Variants in CAMTA1 observed in about 807,000 individuals in gnomAD.
The protein encoded by CAMTA1 is calmodulin binding transcription activator 1.
Under a neutral mutation model 170.9 loss-of-function variants are expected in CAMTA1, and 27 were observed. That is an observed-to-expected ratio of 0.16 (90% confidence interval 0.12 to 0.22). The LOEUF is 0.22. Among genes scored for constraint, CAMTA1 ranks in the 10% least tolerant of loss-of-function variants. The pLI is 1.00. For synonymous variants in CAMTA1, 833 were observed against 891.5 expected, an observed-to-expected ratio of 0.93 and a Z score of 1.17; for missense variants, 1,619 against 2,217.2, an observed-to-expected ratio of 0.73 and a Z score of 5.42.
In CAMTA1 at chr1:6,888,655, T is replaced by C. The variant is rs575233837; in HGVS notation, c.234+63445T>C. On this transcript the variant is annotated intron_variant, in intron 3 of 22. Coordinates refer to ENST00000303635, the MANE Select transcript of CAMTA1 (RefSeq NM_015215.4). ...GATCAAGTAGGCATTAACAAAGATA[T>C]AGAGGAAACTTGGAGGCGATTACTT... 4.2e-4 allele frequency among the ~76,000 whole-genome samples: 64 copies of C among 152,330 alleles called. No homozygotes were observed. In the South Asian group the frequency reaches 0.01, roughly 25 times the overall value.
intron 4 of CAMTA1, among the ~76,000 whole-genome samples, chr1:7,180,511 C>CTTTTTTT (rs397862259): frequency 5.6e-5 from 4 of 71,182 alleles, no homozygotes; most frequent in Non-Finnish European, 7.2e-5. Flanking sequence ...TGTCACTAGA[C>CTTTTTTT]TTTTTTTTTT....
intron 5 of CAMTA1, among the ~76,000 whole-genome samples, chr1:7,255,798 G>A (rs1667281514): frequency 6.6e-6 from 1 of 152,174 alleles, no homozygotes; most frequent in South Asian, 2.1e-4. Flanking sequence ...TGCTTCCACA[G>A]TTACACTTCC....
chr1:7,219,006 A>G (rs1660249244), intron 4 of CAMTA1, among the ~76,000 whole-genome samples: 1 of 152,122 alleles, frequency 6.6e-6, no homozygotes, highest in Non-Finnish European at 1.5e-5. Context: ...CAGTTATATC[A>G]ATTTCAAGTA....
At chr1:7,700,338 C>A (rs1411056452) in intron 11 of CAMTA1, among the ~76,000 whole-genome samples, 1 of 152,156 alleles carries the variant, frequency 6.6e-6, no homozygotes, top group African/African-American at 2.4e-5. Flanking sequence ...AAAATATTTT[C>A]TATTTCTTCA....
At chr1:7,523,892 AAT>A (rs1478678296) in intron 6 of CAMTA1, among the ~76,000 whole-genome samples, 2 of 144,926 alleles carry the variant, frequency 1.4e-5, no homozygotes, top group African/African-American at 5.2e-5. Context: ...CGAAAAAAAA[AAT>A]AATAATAATA....
intron 4 of CAMTA1, among the ~76,000 whole-genome samples, chr1:7,242,269 G>A (rs1402221639): frequency 1.3e-5 from 2 of 152,178 alleles, no homozygotes; most frequent in Non-Finnish European, 2.9e-5. Context: ...TAATCCAAAA[G>A]ACAGATAATG....
chr1:7,257,352 G>A (rs1299129076), intron 5 of CAMTA1, among the ~76,000 whole-genome samples: 1 of 152,184 alleles, frequency 6.6e-6, no homozygotes, highest in Non-Finnish European at 1.5e-5. Flanking sequence ...GTCCCTCGCT[G>A]TCCACTTCAG....
chr1:6,993,044 G>A (rs773188617), intron 3 of CAMTA1, among the ~76,000 whole-genome samples: 10 of 152,162 alleles, frequency 6.6e-5, no homozygotes, highest in Non-Finnish European at 1.2e-4. Flanking sequence ...AACCACATAA[G>A]GGTGGATCTA....
chr1:6,802,211 A>G (rs771694346), intron 1 of CAMTA1, among the ~76,000 whole-genome samples: 2 of 152,124 alleles, frequency 1.3e-5, no homozygotes, highest in African/African-American at 2.4e-5. Flanking sequence ...TTCCATTCAC[A>G]TGTAGCTTCC....
intron 11 of CAMTA1, among the ~76,000 whole-genome samples, chr1:7,709,721 G>A (rs1367526186): frequency 1.3e-5 from 2 of 152,170 alleles, no homozygotes; most frequent in Non-Finnish European, 2.9e-5. Flanking sequence ...GGCACTGGGT[G>A]TTTCAGCTCT....
chr1:7,646,051 TGAGTTTGGTGGGGGCCCTGGTGAATTGGG>T (rs1163200352), intron 7 of CAMTA1, among the ~76,000 whole-genome samples: 65 of 151,422 alleles, frequency 4.3e-4, no homozygotes, highest in African/African-American at 1.5e-3. Flanking sequence ...AAGGCCCTGG[TGAGTTTGGTGGGGGCCCTGGTGAATTGGG>T]TGGAGGCCAT....
rs1304710015 is a variant in CAMTA1 at position 7,769,544 on chromosome 1, A to T, written c.*3053A>T. ...CTTTTTTTGTAAGTTTTATTTTTGT[A>T]ATTGTGCATGTAAAGCATCATTGAA... is the stretch of plus-strand genomic sequence containing the variant. On this transcript the variant is annotated 3_prime_UTR_variant, in exon 23 of 23. Coordinates refer to ENST00000303635, the MANE Select transcript of CAMTA1 (RefSeq NM_015215.4). 1 of 152,736 alleles carries T rather than the reference A, an allele frequency of 6.5e-6. No individual in the cohort carries two copies. Among genetic ancestry groups the T allele is most frequent in the African/African-American group, 2.4e-5 (1 of 41,448 alleles). The allele number at this position is 152,736 out of a possible 1,614,324, so 9.5% of individuals were successfully genotyped here. A position where few individuals can be genotyped will look rare whatever the true frequency, so the allele number is the denominator to read the frequency against.
chr1:6,937,140 C>T (rs1685459720), intron 3 of CAMTA1, among the ~76,000 whole-genome samples: 1 of 151,680 alleles, frequency 6.6e-6, no homozygotes, highest in Non-Finnish European at 1.5e-5. Flanking sequence ...CCACCACCAT[C>T]ACCATCACCA....
intron 3 of CAMTA1, among the ~76,000 whole-genome samples, chr1:6,917,665 A>G (rs540332405): frequency 1.7e-4 from 26 of 152,078 alleles, no homozygotes; most frequent in African/African-American, 6.0e-4. Flanking sequence ...GGCCGCCCTG[A>G]GACAGCCAGG....
At chr1:7,430,672 T>G (rs1056208525) in intron 5 of CAMTA1, among the ~76,000 whole-genome samples, 2 of 152,200 alleles carry the variant, frequency 1.3e-5, no homozygotes, top group African/African-American at 4.8e-5. Context: ...CTCTGTTACC[T>G]GACCAGGGCC....
chr1:7,243,387 C>T (rs1665231569), intron 4 of CAMTA1, among the ~76,000 whole-genome samples: 1 of 152,120 alleles, frequency 6.6e-6, no homozygotes, highest in Non-Finnish European at 1.5e-5. Context: ...TTTAATCCAT[C>T]TTGAATTAAT....
At chr1:7,253,700 C>T (rs551095915) in intron 5 of CAMTA1, among the ~76,000 whole-genome samples, 2 of 152,308 alleles carry the variant, frequency 1.3e-5, no homozygotes, top group Admixed American at 6.5e-5. Flanking sequence ...CGTCATACCT[C>T]AGTCAGTGGC....
chr1:7,561,396 A>G lies in CAMTA1; in HGVS notation c.511-79004A>G, dbSNP rs2094955003. 6.6e-6 allele frequency among the ~76,000 whole-genome samples: 1 copy of G among 151,912 alleles called. No individual in the cohort carries two copies. Among genetic ancestry groups the G allele is most frequent in the Admixed American group, 6.5e-5 (1 of 15,280 alleles). ...CGGGCAGCAGGCCAATGGGCCAGGC[A>G]GGTGGGGCAGGAGCCTCCTCTTGGG... On this transcript the variant is annotated intron_variant, in intron 6 of 22. Transcript: ENST00000303635. This position sits in a 1 kb window ranked among gnomAD's most constrained non-coding sequence, Gnocchi z 5.3.
chr1:7,505,412 G>A (rs941028727), intron 6 of CAMTA1, among the ~76,000 whole-genome samples: 4 of 152,272 alleles, frequency 2.6e-5, no homozygotes, highest in African/African-American at 7.2e-5. Context: ...AGTCCTGGGC[G>A]GCCCAGGACA....
Sources: allele counts gnomAD v4.1 joint callset (sites outside exome capture counted in the v4.1 genomes callset), GRCh38; gene constraint gnomAD v4.1.1; non-coding constraint Gnocchi (gnomAD v3.1); transcripts MANE v1.5; gene names NCBI Gene and HGNC (gene_info 2026-07-23, HGNC 2026-07-21).